The following DNAJC1 variants were observed in gnomAD, a reference collection of about 807,000 sequenced individuals.
The protein encoded by DNAJC1 is DnaJ heat shock protein family (Hsp40) member C1, also known as dnaJ homolog subfamily C member 1.
A neutral mutation model predicts 76.6 loss-of-function variants in DNAJC1; 58 were observed. The observed-to-expected ratio is 0.76, with a 90% CI of 0.61 to 0.94. The LOEUF (loss-of-function observed/expected upper bound fraction) is 0.94, where lower values mean the gene tolerates loss of function less well. Among genes scored for constraint, DNAJC1 ranks in the 40% least tolerant of loss-of-function variants. The pLI, the probability that DNAJC1 is intolerant of heterozygous loss-of-function variation, is 0.00. For synonymous variants in DNAJC1, 258 were observed against 267.9 expected (o/e 0.96, Z 0.36); for missense variants, 689 against 677.3 (o/e 1.02, Z -0.19).
intron 8 of DNAJC1, among the ~76,000 whole-genome samples, chr10:21,866,561 C>A (rs1379882348): frequency 6.6e-6 from 1 of 151,988 alleles, no homozygotes; most frequent in Admixed American, 6.5e-5. Context: ...GTTAACTGAG[C>A]AAGAAAAAAC....
At chr10:21,946,049 C>CTT (rs71510915) in intron 1 of DNAJC1, among the ~76,000 whole-genome samples, 6,338 of 93,144 alleles carry the variant, frequency 0.068, 536 homozygotes, top group African/African-American at 0.094. Flanking sequence ...TTCTTTTCCT[C>CTT]TTTTTTTTTT....
intron 8 of DNAJC1, among the ~76,000 whole-genome samples, chr10:21,850,001 T>C (rs887810527): frequency 6.6e-6 from 1 of 152,058 alleles, no homozygotes; most frequent in Admixed American, 6.6e-5. Flanking sequence ...GGAGAAACCA[T>C]AGCTAACATC....
At chr10:21,828,570 CAT>C (rs1052754829) in intron 8 of DNAJC1, among the ~76,000 whole-genome samples, 5 of 152,180 alleles carry the variant, frequency 3.3e-5, no homozygotes, top group East Asian at 1.9e-4. Context: ...AAAATTTAAA[CAT>C]ATGATAGAAG....
intron 1 of DNAJC1, among the ~76,000 whole-genome samples, chr10:21,932,173 CA>C (rs1036156510): frequency 2.7e-5 from 4 of 150,398 alleles, no homozygotes; most frequent in East Asian, 1.9e-4. Context: ...CCCATCTGTG[CA>C]AAAAAAAATT....
intron 8 of DNAJC1, among the ~76,000 whole-genome samples, chr10:21,879,106 GAGAAGGAAATAGTGGC>G (rs1437601109): frequency 6.6e-6 from 1 of 152,200 alleles, no homozygotes. Context: ...CTTTGTGGAA[GAGAAGGAAATAGTGGC>G]AGAAAGCATG....
chr10:21,876,838 A>G (rs1836196602), intron 8 of DNAJC1, among the ~76,000 whole-genome samples: 1 of 152,202 alleles, frequency 6.6e-6, no homozygotes, highest in African/African-American at 2.4e-5. Context: ...GGTTTGGAGA[A>G]CTTTTGGAAC....
intron 1 of DNAJC1, among the ~76,000 whole-genome samples, chr10:21,967,611 G>C (rs1837913894): frequency 6.6e-6 from 1 of 152,144 alleles, no homozygotes; most frequent in African/African-American, 2.4e-5. Context: ...TTAGGATATA[G>C]GCTAAGACCC....
chr10:21,837,013 T>C (rs1835471861), intron 8 of DNAJC1, among the ~76,000 whole-genome samples: 1 of 152,334 alleles, frequency 6.6e-6, no homozygotes. Flanking sequence ...CCTCCCTGCC[T>C]GATTCTCCTG....
chr10:21,791,991 A>C (rs1385187750), intron 9 of DNAJC1, among the ~76,000 whole-genome samples: 1 of 152,152 alleles, frequency 6.6e-6, no homozygotes, highest in Non-Finnish European at 1.5e-5. Flanking sequence ...AACCAAAAGA[A>C]ATGAAAAACA....
chr10:21,860,730 CAAACAA>C (rs1564810455), intron 8 of DNAJC1: 3 of 107,132 alleles, frequency 2.8e-5, no homozygotes, highest in African/African-American at 4.3e-5. Flanking sequence ...AACAAACAAA[CAAACAA>C]AACGTACCTA....
chr10:21,854,048 G>C (rs577731645), intron 8 of DNAJC1, among the ~76,000 whole-genome samples: 1 of 151,906 alleles, frequency 6.6e-6, no homozygotes, highest in Admixed American at 6.6e-5. Flanking sequence ...AGTGGCATCA[G>C]TCTAATTCAC....
At chr10:21,965,112 T>G (rs1401478542) in intron 1 of DNAJC1, among the ~76,000 whole-genome samples, 1 of 152,126 alleles carries the variant, frequency 6.6e-6, no homozygotes, top group South Asian at 2.1e-4. Context: ...ATAACTCCAA[T>G]TAGATATATC....
At chr10:21,943,500 A>T (rs1265296243) in intron 1 of DNAJC1, among the ~76,000 whole-genome samples, 1 of 152,122 alleles carries the variant, frequency 6.6e-6, no homozygotes, top group Non-Finnish European at 1.5e-5. Context: ...TGTCAAATGA[A>T]CTCATCTGAA....
intron 7 of DNAJC1, among the ~76,000 whole-genome samples, chr10:21,895,004 T>C (rs1352488504): frequency 1.3e-5 from 2 of 152,172 alleles, no homozygotes; most frequent in Admixed American, 6.5e-5. Flanking sequence ...TAAATTTCTG[T>C]TGATCATAAA....
At chr10:21,931,872 C>G (rs576198092) in intron 1 of DNAJC1, among the ~76,000 whole-genome samples, 27 of 152,150 alleles carry the variant, frequency 1.8e-4, no homozygotes, top group South Asian at 4.1e-4. Context: ...CTATCTTTAA[C>G]TCTTTTCATA....
intron 8 of DNAJC1, among the ~76,000 whole-genome samples, chr10:21,839,065 T>A (rs997655255): frequency 1.3e-5 from 2 of 152,094 alleles, no homozygotes; most frequent in Non-Finnish European, 2.9e-5. Flanking sequence ...GAACAAAGAC[T>A]CAACATACCA....
intron 11 of DNAJC1, among the ~76,000 whole-genome samples, chr10:21,757,166 C>T (rs1451749910): frequency 1.3e-5 from 2 of 152,234 alleles, no homozygotes; most frequent in South Asian, 2.1e-4. Flanking sequence ...TTTCCCTAGG[C>T]GCTGCTAAGA....
At chr10:21,931,575 G>A (rs550969899) in intron 1 of DNAJC1, among the ~76,000 whole-genome samples, 1 of 152,286 alleles carries the variant, frequency 6.6e-6, no homozygotes, top group East Asian at 1.9e-4. Flanking sequence ...GATTTGGGCT[G>A]AGTAACTTCC....
At chr10:21,975,313 T>C (rs1195352871) in intron 1 of DNAJC1, among the ~76,000 whole-genome samples, 1 of 151,410 alleles carries the variant, frequency 6.6e-6, no homozygotes, top group African/African-American at 2.4e-5. Flanking sequence ...AAAAATAAGC[T>C]GCAATAAATA....
Sources: gnomAD v4.1 joint callset for allele counts (sites outside exome capture counted in the v4.1 genomes callset) on GRCh38, gnomAD v4.1.1 for gene constraint, MANE v1.5 for transcripts, NCBI Gene and HGNC (gene_info 2026-07-23, HGNC 2026-07-21) for gene names.